CHCHD4: variants seen among roughly 807,000 people sequenced by gnomAD.
CHCHD4 encodes mitochondrial intermembrane space import and assembly protein 40.
In CHCHD4, 7 loss-of-function variants were observed where a neutral mutation model predicts 12.4. The observed-to-expected ratio is 0.57, with a 90% CI of 0.32 to 1.06. The LOEUF is 1.06. Ranked by LOEUF, CHCHD4 falls within the 50% of genes least tolerant of loss-of-function variation. The probability of loss-of-function intolerance (pLI) is 0.04; values close to 1 mark genes in which losing one functional copy is unlikely to be tolerated. For synonymous variants in CHCHD4, 56 were observed against 58.0 expected (o/e 0.97, Z 0.16); for missense variants, 143 against 175.1 (o/e 0.82, Z 1.03).
Position 14,124,677 on chromosome 3 carries a change from G to T in CHCHD4, c.-1C>A. On this transcript the variant is annotated 5_prime_UTR_variant, in exon 1 of 3. Transcript: ENST00000396914. Reference sequence around the variant, plus strand: ...TACCTTCCTGCCGGCAATAGGACATGGCTGCAGCCCGTCCCTGAGACCTTG... The same window carrying T: ...TACCTTCCTGCCGGCAATAGGACATTGCTGCAGCCCGTCCCTGAGACCTTG... The T allele has an allele frequency of 6.5e-7, 1 of 1,529,980 alleles. No homozygotes were observed. Among genetic ancestry groups the T allele is most frequent in the East Asian group, 2.6e-5 (1 of 37,738 alleles). 94.8% of individuals were successfully genotyped at this position (1,529,980 alleles called of 1,614,324 possible). A position where few individuals can be genotyped will look rare whatever the true frequency, so the allele number is the denominator to read the frequency against.
Position 14,124,773 on chromosome 3 carries a change from C to G in CHCHD4, c.-97G>C, listed in dbSNP as rs532842102. On this transcript the variant is annotated 5_prime_UTR_variant, in exon 1 of 3. Coordinates refer to ENST00000396914, the MANE Select transcript of CHCHD4 (RefSeq NM_001098502.2). ...CTCTCCTCTGGCAGGGCGGGCTCCT[C>G]CGAAGCCCGCGCGGACCCGCCCCCT... 8.1e-6 allele frequency: 11 copies of G among 1,362,234 alleles called. No individual in the cohort carries two copies. The highest frequency in any genetic ancestry group is 9.8e-6 in the Non-Finnish European group (10 of 1,024,022). The allele number at this position is 1,362,234 out of a possible 1,614,324, so 84.4% of individuals were successfully genotyped here.
intron 2 of CHCHD4, among the ~76,000 whole-genome samples, chr3:14,114,060 T>C (rs1387390830): frequency 1.3e-5 from 2 of 152,160 alleles, no homozygotes; most frequent in African/African-American, 2.4e-5. Flanking sequence ...AAGTACTTTC[T>C]AAGAGAGCCT....
At chr3:14,115,244 T>C (rs980751001) in intron 2 of CHCHD4, among the ~76,000 whole-genome samples, 1 of 151,922 alleles carries the variant, frequency 6.6e-6, no homozygotes, top group African/African-American at 2.4e-5. Context: ...TCCAAGCAGA[T>C]ACATTGCAAG....
rs899406396 is a variant in CHCHD4 at position 14,124,716 on chromosome 3, G to A, written c.-40C>T. On this transcript the variant is annotated 5_prime_UTR_variant, in exon 1 of 3. Coordinates refer to ENST00000396914, the MANE Select transcript of CHCHD4 (RefSeq NM_001098502.2). Reference sequence around the variant, plus strand: ...CCTGAGACCTTGCAGAAGCGGCGGTGGCGGCAGCTGCACCTTTACGCCGTG... The same window carrying A: ...CCTGAGACCTTGCAGAAGCGGCGGTAGCGGCAGCTGCACCTTTACGCCGTG... The A allele has an allele frequency of 2.6e-6, 4 of 1,514,662 alleles. No individual in the cohort carries two copies. The highest frequency in any genetic ancestry group is 3.5e-6 in the Non-Finnish European group (4 of 1,133,020). 93.8% of individuals were successfully genotyped at this position (1,514,662 alleles called of 1,614,324 possible). A position where few individuals can be genotyped will look rare whatever the true frequency, so the allele number is the denominator to read the frequency against.
intron 1 of CHCHD4, among the ~76,000 whole-genome samples, chr3:14,123,939 A>G (rs564024082): frequency 3.9e-5 from 6 of 152,342 alleles, no homozygotes; most frequent in African/African-American, 1.4e-4. Flanking sequence ...TCTCCCTGCA[A>G]TCCACTGGGC....
intron 2 of CHCHD4, among the ~76,000 whole-genome samples, chr3:14,114,214 T>C (rs1458487735): frequency 6.6e-6 from 1 of 152,218 alleles, no homozygotes; most frequent in Admixed American, 6.5e-5. Flanking sequence ...TCAATGGATC[T>C]GCTGTAGCTA....
In CHCHD4 at chr3:14,113,171, TG is replaced by T; in HGVS notation, c.144del (p.Asn48LysfsTer41). ...CCAAGGCATGGGCAGTTCCAGTTAA[TG>T]TTTCCATTTGGCAGTATCAATCCTA... ...EEHGLILPNG[N>X]INWNCPCLGG... On this transcript the variant is annotated frameshift_variant, in exon 3 of 3. Transcript: ENST00000396914. LOFTEE classifies it high-confidence loss of function. 1 of 1,610,318 alleles carries T rather than the reference TG, an allele frequency of 6.2e-7. No individual in the cohort carries two copies. The highest frequency in any genetic ancestry group is 8.5e-7 in the Non-Finnish European group (1 of 1,178,006).
intron 2 of CHCHD4, among the ~76,000 whole-genome samples, chr3:14,115,254 G>A (rs537518046): frequency 6.6e-6 from 1 of 152,030 alleles, no homozygotes; most frequent in Admixed American, 6.5e-5. Context: ...TACATTGCAA[G>A]TGACAGAAGC....
At chr3:14,121,842 T>C in intron 1 of CHCHD4, 17 of 1,611,576 alleles carry the variant, frequency 1.1e-5, no homozygotes, top group Non-Finnish European at 1.4e-5. Context: ...ATCAAGTGTC[T>C]GTGAAGAATA....
intron 1 of CHCHD4, among the ~76,000 whole-genome samples, chr3:14,124,391 C>G (rs1306768758): frequency 6.6e-6 from 1 of 152,226 alleles, no homozygotes; most frequent in Non-Finnish European, 1.5e-5. Context: ...TAGTTTACGA[C>G]TTCCTACGCA....
chr3:14,123,715 CG>C (rs1694966115), intron 1 of CHCHD4, among the ~76,000 whole-genome samples: 1 of 152,124 alleles, frequency 6.6e-6, no homozygotes, highest in Non-Finnish European at 1.5e-5. Flanking sequence ...GAGTATTTGC[CG>C]TATCAATGAA....
intron 1 of CHCHD4, among the ~76,000 whole-genome samples, chr3:14,120,021 G>A (rs539163770): frequency 3.4e-4 from 52 of 152,264 alleles, no homozygotes; most frequent in Non-Finnish European, 5.9e-4. Flanking sequence ...GCTGATGGTC[G>A]AGTGCTCTCT....
chr3:14,123,579 T>C (rs1694964124), intron 1 of CHCHD4, among the ~76,000 whole-genome samples: 1 of 152,186 alleles, frequency 6.6e-6, no homozygotes, highest in Non-Finnish European at 1.5e-5. Flanking sequence ...TTCTCTGGGC[T>C]TCAGATTGCT....
chr3:14,117,384 T>A (rs113546292), intron 1 of CHCHD4, among the ~76,000 whole-genome samples: 1 of 152,156 alleles, frequency 6.6e-6, no homozygotes, highest in Non-Finnish European at 1.5e-5. Flanking sequence ...CAAACCAGGG[T>A]GGGTGCATTC....
intron 2 of CHCHD4, among the ~76,000 whole-genome samples, 156 bp from the exon 3 acceptor site, chr3:14,113,350 C>T (rs1694842115): frequency 6.6e-6 from 1 of 152,188 alleles, no homozygotes; most frequent in Non-Finnish European, 1.5e-5. Context: ...AGCACATATC[C>T]AGCATTCCTT....
chr3:14,112,837 G>A lies in CHCHD4; in HGVS notation c.*50C>T, dbSNP rs1363203821. 6.5e-7 allele frequency: 1 copy of A among 1,533,554 alleles called. No homozygotes were observed. The highest frequency in any genetic ancestry group is 2.3e-5 in the East Asian group (1 of 44,156). The allele number at this position is 1,533,554 out of a possible 1,614,324, so 95.0% of individuals were successfully genotyped here. A position where few individuals can be genotyped will look rare whatever the true frequency, so the allele number is the denominator to read the frequency against. ...TTGGAAGGTGATGACAAGGCCTTTT[G>A]CAAAAGGTCCACTCCAAAAGGACTG... On this transcript the variant is annotated 3_prime_UTR_variant, in exon 3 of 3. Transcript: ENST00000396914.
At chr3:14,114,362 C>A (rs1694853112) in intron 2 of CHCHD4, among the ~76,000 whole-genome samples, 1 of 152,208 alleles carries the variant, frequency 6.6e-6, no homozygotes, top group Non-Finnish European at 1.5e-5. Context: ...TGGTAACTCA[C>A]ATAAGCCTTC....
At chr3:14,119,799 G>A (rs1427128277) in intron 1 of CHCHD4, among the ~76,000 whole-genome samples, 4 of 152,122 alleles carry the variant, frequency 2.6e-5, no homozygotes, top group Non-Finnish European at 5.9e-5. Flanking sequence ...ACTTCCCACT[G>A]TATGAGCTCA....
At chr3:14,121,964 T>A in intron 1 of CHCHD4, 2 of 1,614,114 alleles carry the variant, frequency 1.2e-6, no homozygotes, top group Non-Finnish European at 1.7e-6. Flanking sequence ...CACAGATGAA[T>A]ACGACACAGG....
Sources: allele counts gnomAD v4.1 joint callset (sites outside exome capture counted in the v4.1 genomes callset), GRCh38; gene constraint gnomAD v4.1.1; transcripts MANE v1.5; gene names NCBI Gene and HGNC (gene_info 2026-07-23, HGNC 2026-07-21).